Variants in FRY observed in about 807,000 individuals in gnomAD.
FRY encodes the protein FRY microtubule binding protein.
A neutral mutation model predicts 348.4 loss-of-function variants in FRY; 128 were observed. That is an observed-to-expected ratio of 0.37 (90% confidence interval 0.32 to 0.43). FRY has a LOEUF of 0.43. Ranked by LOEUF, FRY falls within the 20% of genes least tolerant of loss-of-function variation. The pLI is 1.00. For synonymous variants in FRY, 1,370 were observed against 1,374.7 expected (o/e 1.00, Z 0.08); for missense variants, 2,736 against 3,695.2 (o/e 0.74, Z 6.73).
chr13:32,169,988 G>A (rs1244098169), intron 17 of FRY, among the ~76,000 whole-genome samples: 1 of 152,168 alleles, frequency 6.6e-6, no homozygotes, highest in Admixed American at 6.5e-5. Context: ...GACCTGTCCT[G>A]TAGGGTGTCT....
chr13:32,252,214 A>AT (rs56102542), intron 50 of FRY, among the ~76,000 whole-genome samples: 28 of 149,502 alleles, frequency 1.9e-4, no homozygotes, highest in South Asian at 4.2e-4. Context: ...AATTTATTGG[A>AT]TTTTTTTTTT....
chr13:32,148,397 T>G (rs1184055524), intron 13 of FRY, among the ~76,000 whole-genome samples: 2 of 152,270 alleles, frequency 1.3e-5, no homozygotes, highest in Non-Finnish European at 2.9e-5. Context: ...TTAATAGGAA[T>G]ATTAGCATTT....
intron 27 of FRY, among the ~76,000 whole-genome samples, chr13:32,186,906 C>T (rs532930271): frequency 6.6e-6 from 1 of 152,286 alleles, no homozygotes; most frequent in African/African-American, 2.4e-5. Context: ...TGCTGACTCT[C>T]AGATTACCTT....
At chr13:32,121,499 T>A in intron 4 of FRY, among the ~76,000 whole-genome samples, 1 of 152,152 alleles carries the variant, frequency 6.6e-6, no homozygotes, top group East Asian at 1.9e-4. Context: ...TGGTATCACA[T>A]GTGGTTTTGA....
At chr13:32,199,937 A>G (rs1327142948) in intron 29 of FRY, among the ~76,000 whole-genome samples, 1 of 152,198 alleles carries the variant, frequency 6.6e-6, no homozygotes, top group Non-Finnish European at 1.5e-5. Flanking sequence ...TTGCAGTTAT[A>G]GAGACTAAGT....
intron 35 of FRY, among the ~76,000 whole-genome samples, chr13:32,213,108 T>G (rs764050421): frequency 6.6e-6 from 1 of 152,184 alleles, no homozygotes; most frequent in Non-Finnish European, 1.5e-5. Flanking sequence ...CCCTTTTACT[T>G]AAGAAATTAG....
intron 58 of FRY, among the ~76,000 whole-genome samples, chr13:32,281,829 A>G (rs1229836730): frequency 6.6e-6 from 1 of 152,210 alleles, no homozygotes; most frequent in African/African-American, 2.4e-5. Flanking sequence ...TCGTCTGGAT[A>G]CTTGGTTACA....
intron 36 of FRY, 52 bp downstream of exon 36, chr13:32,218,883 A>T (rs764722750): frequency 2.0e-6 from 2 of 988,504 alleles, no homozygotes; most frequent in Non-Finnish European, 1.6e-6. Context: ...TGGTCAGAGG[A>T]TGGAAAATGA....
At chr13:32,061,052 A>G (rs1428660412) in intron 1 of FRY, 3 of 525,724 alleles carry the variant, frequency 5.7e-6, no homozygotes, top group Non-Finnish European at 3.9e-6. Flanking sequence ...GCTTTGGAAC[A>G]TGGTCTGTGT....
intron 2 of FRY, among the ~76,000 whole-genome samples, chr13:32,100,661 C>A (rs187269858): frequency 4.0e-4 from 61 of 152,232 alleles, no homozygotes; most frequent in Non-Finnish European, 8.1e-4. Flanking sequence ...TTCAAGTATA[C>A]AATGTATCTT....
At chr13:32,081,792 T>C (rs546174844) in intron 2 of FRY, among the ~76,000 whole-genome samples, 6 of 152,350 alleles carry the variant, frequency 3.9e-5, no homozygotes, top group African/African-American at 1.2e-4. Flanking sequence ...GAAGTGTGAA[T>C]GGGCATTTGG....
chr13:32,058,906 T>C (rs1377201202), intron 1 of FRY, among the ~76,000 whole-genome samples: 1 of 152,240 alleles, frequency 6.6e-6, no homozygotes, highest in East Asian at 1.9e-4. Flanking sequence ...AATTAATAAA[T>C]GTAGTGACAC....
chr13:32,265,731 C>T, intron 54 of FRY, 115 bp downstream of exon 54: 1 of 1,025,360 alleles, frequency 9.8e-7, no homozygotes, highest in South Asian at 1.4e-5. Flanking sequence ...ATAAAGGACT[C>T]CAAAGTGACA....
intron 25 of FRY, 41 bp from the exon 26 acceptor site, chr13:32,184,935 A>C: frequency 6.4e-7 from 1 of 1,552,774 alleles, no homozygotes; most frequent in South Asian, 1.1e-5. Flanking sequence ...ACTTTGACAT[A>C]AAGACTGATC....
intron 20 of FRY, among the ~76,000 whole-genome samples, chr13:32,176,340 G>T (rs1253033882): frequency 1.3e-5 from 2 of 152,196 alleles, no homozygotes; most frequent in African/African-American, 2.4e-5. Flanking sequence ...GGGAGGCAGG[G>T]CAGAGCTGAG....
intron 23 of FRY, among the ~76,000 whole-genome samples, chr13:32,182,726 C>G (rs530214204): frequency 6.6e-6 from 1 of 152,136 alleles, no homozygotes; most frequent in South Asian, 2.1e-4. Context: ...AAATCAAAAT[C>G]AAGTCAACAA....
At chr13:32,033,305 G>A (rs898036348) in intron 1 of FRY, among the ~76,000 whole-genome samples, 4 of 152,128 alleles carry the variant, frequency 2.6e-5, no homozygotes, top group African/African-American at 9.7e-5. Context: ...TCTTTATGGA[G>A]CAGTTTTCCA....
intron 58 of FRY, among the ~76,000 whole-genome samples, chr13:32,285,251 G>C: frequency 6.6e-6 from 1 of 152,116 alleles, no homozygotes; most frequent in Non-Finnish European, 1.5e-5. Flanking sequence ...GGGACGGTGG[G>C]ACAAGGGGAA....
At chr13:32,253,802 A>G (rs1361886305) in intron 50 of FRY, among the ~76,000 whole-genome samples, 1 of 152,308 alleles carries the variant, frequency 6.6e-6, no homozygotes, top group East Asian at 1.9e-4. Context: ...TTCATTCTAC[A>G]ATAATATATC....
Sources: allele counts gnomAD v4.1 joint callset (sites outside exome capture counted in the v4.1 genomes callset), GRCh38; gene constraint gnomAD v4.1.1; transcripts MANE v1.5; gene names NCBI Gene and HGNC (gene_info 2026-07-23, HGNC 2026-07-21).